SAMD12: variants seen among roughly 807,000 people sequenced by gnomAD.
SAMD12 encodes the protein sterile alpha motif domain containing 12.
A neutral mutation model predicts 15.0 loss-of-function variants in SAMD12; 9 were observed. The ratio of observed to expected loss-of-function variants is 0.60; its 90% CI spans 0.36 to 1.05. SAMD12 has a LOEUF of 1.05. SAMD12 is among the 50% of genes least tolerant of loss of function. The pLI is 0.01. For synonymous variants in SAMD12, 86 were observed against 90.1 expected, an observed-to-expected ratio of 0.96 and a Z score of 0.25; for missense variants, 230 against 234.2, an observed-to-expected ratio of 0.98 and a Z score of 0.12.
chr8:118,261,046 C>A (rs759988956), intron 4 of SAMD12, among the ~76,000 whole-genome samples: 1 of 152,134 alleles, frequency 6.6e-6, no homozygotes, highest in South Asian at 2.1e-4. Context: ...AGATGCTCAA[C>A]AAACGTTTGT....
intron 4 of SAMD12, among the ~76,000 whole-genome samples, chr8:118,336,999 T>C (rs559021069): frequency 2.0e-5 from 3 of 152,124 alleles, no homozygotes; most frequent in South Asian, 2.1e-4. Context: ...CATCACACAC[T>C]GGGTCCTGTA....
chr8:118,212,461 C>T (rs1258909198), intron 4 of SAMD12, among the ~76,000 whole-genome samples: 1 of 152,142 alleles, frequency 6.6e-6, no homozygotes, highest in African/African-American at 2.4e-5. Context: ...AATTTCTATG[C>T]CTTCTGGTAT....
intron 2 of SAMD12, among the ~76,000 whole-genome samples, chr8:118,491,626 A>C (rs1167074382): frequency 2.0e-5 from 3 of 152,114 alleles, no homozygotes; most frequent in African/African-American, 7.2e-5. Flanking sequence ...CCTCAGAGTA[A>C]CTTCTATTTT....
At chr8:118,336,054 C>T (rs1383895854) in intron 4 of SAMD12, among the ~76,000 whole-genome samples, 1 of 152,198 alleles carries the variant, frequency 6.6e-6, no homozygotes, top group East Asian at 1.9e-4. Context: ...AAAACCACCT[C>T]ATGATGTAAG....
intron 4 of SAMD12, among the ~76,000 whole-genome samples, chr8:118,283,651 G>C (rs986369851): frequency 6.6e-6 from 1 of 152,230 alleles, no homozygotes; most frequent in East Asian, 1.9e-4. Context: ...AGGGAAGGGA[G>C]ATCCATCCTG....
rs553715194 is a variant in SAMD12 at position 118,549,643 on chromosome 8, C to T, written c.192+31072G>A. On this transcript the variant is annotated intron_variant, in intron 2 of 3. Coordinates refer to ENST00000314727, the MANE Select transcript of SAMD12 (RefSeq NM_207506.3). Reference sequence around the variant, plus strand: ...GAGCACCTCTCCTCCTCCAAAGGAACGCAGTTCCTCACCAGCAATGGAACA... The same window carrying T: ...GAGCACCTCTCCTCCTCCAAAGGAATGCAGTTCCTCACCAGCAATGGAACA... 2.9e-3 allele frequency among the ~76,000 whole-genome samples: 447 copies of T among 152,310 alleles called. 4 individuals are homozygous for T. The highest frequency in any genetic ancestry group is 0.02 in the Middle Eastern group (6 of 294).
chr8:118,447,574 A>C (rs1162757388), intron 2 of SAMD12, among the ~76,000 whole-genome samples: 1 of 152,004 alleles, frequency 6.6e-6, no homozygotes, highest in Non-Finnish European at 1.5e-5. Context: ...AAGTGCTGGG[A>C]TTACAGGCGT....
downstream of SAMD12, among the ~76,000 whole-genome samples, chr8:118,187,417 G>A (rs566149498): frequency 7.9e-5 from 12 of 152,128 alleles, no homozygotes; most frequent in African/African-American, 2.4e-4. Flanking sequence ...CTCAACCAGC[G>A]CCAGCTCTTG....
chr8:118,355,140 AATCCCC>A (rs796377963), intron 4 of SAMD12, among the ~76,000 whole-genome samples: 12 of 152,364 alleles, frequency 7.9e-5, no homozygotes, highest in African/African-American at 2.6e-4. Flanking sequence ...AACCAACCCA[AATCCCC>A]ATCAATCAAC....
At chr8:118,502,865 T>C (rs1220547163) in intron 2 of SAMD12, among the ~76,000 whole-genome samples, 1 of 152,190 alleles carries the variant, frequency 6.6e-6, no homozygotes, top group African/African-American at 2.4e-5. Flanking sequence ...CTTTGCCCAA[T>C]TCTCTATGGC....
intron 3 of SAMD12, among the ~76,000 whole-genome samples, chr8:118,398,845 G>A (rs990524873): frequency 2.0e-5 from 3 of 152,090 alleles, no homozygotes; most frequent in African/African-American, 4.8e-5. Context: ...GCAGTTTATT[G>A]TGTATCAGTT....
the SAMD12 span, among the ~76,000 whole-genome samples, chr8:118,157,254 C>G: frequency 6.6e-6 from 1 of 152,160 alleles, no homozygotes; most frequent in African/African-American, 2.4e-5. Context: ...GACCTAGGCA[C>G]CAATCTTAGT....
rs537465151 is a variant in SAMD12, at chr8:118,420,553, A to C, written c.322+19279T>G. 4.1e-4 allele frequency among the ~76,000 whole-genome samples: 63 copies of C among 152,346 alleles called. 1 individual carries two copies. In the South Asian group the frequency reaches 0.013, roughly 31 times the overall value. On this transcript the variant is annotated intron_variant, in intron 3 of 3. Coordinates refer to ENST00000314727, the MANE Select transcript of SAMD12 (RefSeq NM_207506.3). The stretch of plus-strand genomic sequence containing the variant: ...TTTTATTTTTTAGTGGAAGAGAGAG[A>C]ACTATGCCACCCCTTTAAGGTATGA...
chr8:118,463,747 G>T (rs142926544), intron 2 of SAMD12, among the ~76,000 whole-genome samples: 1 of 152,134 alleles, frequency 6.6e-6, no homozygotes, highest in African/African-American at 2.4e-5. Flanking sequence ...CATCCCACAC[G>T]CTTGGCCTGG....
exon 5 of SAMD12, chr8:118,191,789 TATATATATATATATATATATATAGAG>T (rs1819395381): frequency 9.1e-5 from 5 of 55,200 alleles, no homozygotes; most frequent in South Asian, 6.2e-4. Context: ...TATATATATA[TATATATATATATATATATATATAGAG>T]AGAGAGAGAG....
intron 4 of SAMD12, among the ~76,000 whole-genome samples, chr8:118,303,375 A>C (rs1815147707): frequency 6.6e-6 from 1 of 152,242 alleles, no homozygotes; most frequent in Non-Finnish European, 1.5e-5. Context: ...ACTGTACATT[A>C]GGGACAGATA....
At chr8:118,282,133 T>A (rs1447752473) in intron 4 of SAMD12, 11 of 357,154 alleles carry the variant, frequency 3.1e-5, no homozygotes, top group Non-Finnish European at 4.9e-5. Flanking sequence ...ACTTCCATTT[T>A]CTCATCTGAC....
intron 2 of SAMD12, among the ~76,000 whole-genome samples, chr8:118,558,705 C>T (rs1377163788): frequency 2.0e-5 from 3 of 152,014 alleles, no homozygotes; most frequent in African/African-American, 7.3e-5. Flanking sequence ...ACTACAGGCG[C>T]GTGCCACCAC....
intron 2 of SAMD12, among the ~76,000 whole-genome samples, chr8:118,451,168 G>C (rs955027022): frequency 3.0e-4 from 46 of 152,154 alleles, no homozygotes; most frequent in African/African-American, 1.1e-3. Flanking sequence ...TTCAGTCCAG[G>C]TCTGCAGTAA....
Sources: allele counts gnomAD v4.1 joint callset (sites outside exome capture counted in the v4.1 genomes callset), GRCh38; gene constraint gnomAD v4.1.1; transcripts MANE v1.5; gene names NCBI Gene and HGNC (gene_info 2026-07-23, HGNC 2026-07-21).